The following KCNIP4 variants were observed in gnomAD, a reference collection of about 807,000 sequenced individuals.
The protein encoded by KCNIP4 is potassium voltage-gated channel interacting protein 4.
Under a neutral mutation model 34.0 loss-of-function variants are expected in KCNIP4, and 12 were observed. The ratio of observed to expected loss-of-function variants is 0.35; its 90% CI spans 0.23 to 0.57. The LOEUF is 0.57. Among genes scored for constraint, KCNIP4 ranks in the 20% least tolerant of loss-of-function variants. KCNIP4 has a pLI of 0.83. For missense variants in KCNIP4, 238 were observed against 311.7 expected (o/e 0.76, Z 1.78); for synonymous variants, 124 against 102.2 (o/e 1.21, Z -1.29).
chr4:21,657,318 G>A (rs1414191804), intron 1 of KCNIP4, among the ~76,000 whole-genome samples: 1 of 152,064 alleles, frequency 6.6e-6, no homozygotes, highest in Admixed American at 6.6e-5. Flanking sequence ...TTATTTTCCG[G>A]TCCATGTCTT....
intron 1 of KCNIP4, among the ~76,000 whole-genome samples, chr4:21,440,588 A>C (rs1410788149): frequency 6.6e-6 from 1 of 152,234 alleles, no homozygotes; most frequent in Admixed American, 6.5e-5. Context: ...GCTAGGAAAA[A>C]AATTGGGCGT....
chr4:21,435,514 T>G (rs1337882062), intron 1 of KCNIP4, among the ~76,000 whole-genome samples: 1 of 152,182 alleles, frequency 6.6e-6, no homozygotes, highest in Non-Finnish European at 1.5e-5. Flanking sequence ...GGGAAGCCAC[T>G]AATTAAAATG....
intron 1 of KCNIP4, among the ~76,000 whole-genome samples, chr4:21,027,964 C>G (rs187701712): frequency 7.1e-4 from 108 of 152,278 alleles, no homozygotes; most frequent in Middle Eastern, 6.8e-3. Context: ...ATCGCCACTT[C>G]GATTTCTAAT....
intron 1 of KCNIP4, among the ~76,000 whole-genome samples, chr4:21,655,854 T>A (rs1747880625): frequency 6.6e-6 from 1 of 152,216 alleles, no homozygotes; most frequent in Non-Finnish European, 1.5e-5. Context: ...AAAATATTGA[T>A]TATTATGAAT....
intron 1 of KCNIP4, among the ~76,000 whole-genome samples, chr4:20,905,808 C>T (rs1326632454): frequency 1.3e-5 from 2 of 151,850 alleles, no homozygotes; most frequent in Non-Finnish European, 2.9e-5. Flanking sequence ...CTGTGAGCCA[C>T]CATCCCTGGC....
intron 1 of KCNIP4, among the ~76,000 whole-genome samples, chr4:21,070,032 C>T (rs1396174287): frequency 2.0e-5 from 3 of 152,184 alleles, no homozygotes; most frequent in Non-Finnish European, 2.9e-5. Context: ...TCACTAACCT[C>T]GGATCCAACT....
intron 2 of KCNIP4, among the ~76,000 whole-genome samples, chr4:20,858,581 A>G (rs1721867809): frequency 6.6e-6 from 1 of 152,162 alleles, no homozygotes; most frequent in African/African-American, 2.4e-5. Flanking sequence ...CCTATTTTAT[A>G]AATGAGAAAA....
intron 1 of KCNIP4, among the ~76,000 whole-genome samples, chr4:21,358,110 A>G (rs1051084520): frequency 6.6e-6 from 1 of 152,114 alleles, no homozygotes; most frequent in African/African-American, 2.4e-5. Context: ...ATAGGTGGGA[A>G]TTAAACAATG....
At chr4:21,792,307 C>T (rs1005195853) in intron 1 of KCNIP4, among the ~76,000 whole-genome samples, 2 of 152,150 alleles carry the variant, frequency 1.3e-5, no homozygotes, top group Non-Finnish European at 2.9e-5. Flanking sequence ...TAACCCAGAA[C>T]TTGAGACATG....
intron 1 of KCNIP4, among the ~76,000 whole-genome samples, chr4:21,331,441 G>C (rs988581296): frequency 2.0e-5 from 3 of 152,028 alleles, no homozygotes; most frequent in African/African-American, 7.2e-5. Flanking sequence ...TCATATGCAA[G>C]TATATATTTT....
chr4:21,682,166 T>G (rs1247012411), intron 1 of KCNIP4, among the ~76,000 whole-genome samples: 1 of 152,174 alleles, frequency 6.6e-6, no homozygotes, highest in Non-Finnish European at 1.5e-5. Flanking sequence ...GCGCTGAGAT[T>G]ACCTGCGTGA....
In KCNIP4 at chr4:20,983,307, T is replaced by G. The variant is rs555189255; in HGVS notation, c.62-100598A>C. ...AAATCAAATGTTCAAAGCACATTTT[T>G]GCTGAGCACCCATTAACTCAATTTC... On this transcript the variant is annotated intron_variant, in intron 1 of 8. Transcript: ENST00000382152. Among the ~76,000 whole-genome samples, 8 of 152,336 alleles carry G rather than the reference T, an allele frequency of 5.3e-5. No homozygotes were observed. The East Asian group carries it at 9.6e-4, about 18-fold the overall frequency.
chr4:21,091,743 C>A (rs769470587), intron 1 of KCNIP4, among the ~76,000 whole-genome samples: 1 of 152,106 alleles, frequency 6.6e-6, no homozygotes, highest in African/African-American at 2.4e-5. Context: ...CTCATTATAT[C>A]CTCACATGAG....
intron 1 of KCNIP4, among the ~76,000 whole-genome samples, chr4:21,028,806 C>T (rs1740761076): frequency 6.6e-6 from 1 of 152,168 alleles, no homozygotes; most frequent in African/African-American, 2.4e-5. Flanking sequence ...TTTTTAAAAA[C>T]TCACCATGTC....
intron 1 of KCNIP4, among the ~76,000 whole-genome samples, chr4:20,979,770 T>C (rs2149689255): frequency 6.6e-6 from 1 of 151,048 alleles, no homozygotes; most frequent in African/African-American, 2.4e-5. Flanking sequence ...CATGGATCTG[T>C]CCCACTTGCT....
chr4:21,798,394 C>T (rs1374593581), intron 1 of KCNIP4, among the ~76,000 whole-genome samples: 1 of 49,142 alleles, frequency 2.0e-5, no homozygotes, highest in Admixed American at 3.0e-4. Context: ...TCCACACACA[C>T]AAAAAAATAC....
chr4:21,317,853 GCT>G (rs1325097450), intron 1 of KCNIP4, among the ~76,000 whole-genome samples: 1 of 152,158 alleles, frequency 6.6e-6, no homozygotes, highest in Admixed American at 6.5e-5. Flanking sequence ...TCCTGCACAA[GCT>G]CTCTAACTCT....
chr4:21,856,952 G>A (rs1034749523), intron 1 of KCNIP4, among the ~76,000 whole-genome samples: 2 of 152,118 alleles, frequency 1.3e-5, no homozygotes, highest in Non-Finnish European at 2.9e-5. Context: ...ATGGGATGGA[G>A]GCCAAGGGCA....
At chr4:20,832,362 G>A (rs1167989494) in intron 3 of KCNIP4, among the ~76,000 whole-genome samples, 2 of 152,140 alleles carry the variant, frequency 1.3e-5, no homozygotes, top group Non-Finnish European at 2.9e-5. Flanking sequence ...TTAAAAATAG[G>A]AGAAAGTGTC....
Sources: gnomAD v4.1 joint callset for allele counts (sites outside exome capture counted in the v4.1 genomes callset) on GRCh38, gnomAD v4.1.1 for gene constraint, MANE v1.5 for transcripts, NCBI Gene and HGNC (gene_info 2026-07-23, HGNC 2026-07-21) for gene names.